MAP3K14: variants seen among roughly 807,000 people sequenced by gnomAD.
MAP3K14 encodes NF-kappa-beta-inducing kinase.
Under a neutral mutation model 99.2 loss-of-function variants are expected in MAP3K14, and 16 were observed. The ratio of observed to expected loss-of-function variants is 0.16; its 90% confidence interval spans 0.11 to 0.24. The LOEUF (loss-of-function observed/expected upper bound fraction) is 0.24, where lower values mean the gene tolerates loss of function less well. Ranked by LOEUF, MAP3K14 falls within the 10% of genes least tolerant of loss-of-function variation. The pLI, the probability that MAP3K14 is intolerant of heterozygous loss-of-function variation, is 1.00. For missense variants in MAP3K14, 784 were observed against 1,208.7 expected, an observed-to-expected ratio of 0.65 and a Z score of 5.21; for synonymous variants, 462 against 492.4, an observed-to-expected ratio of 0.94 and a Z score of 0.82.
rs371145129 is a variant in MAP3K14 at position 45,271,076 on chromosome 17, T to C, written c.1803A>G (p.Arg601=). Residue 601 remains arginine, a synonymous_variant, in exon 10 of 16, where the codon CGA becomes CGG. Coordinates refer to ENST00000344686, the MANE Select transcript of MAP3K14 (RefSeq NM_003954.5). ...NGCHPWTQFF[R]GPLCLKIASE... The stretch of plus-strand genomic sequence containing the variant: ...CACCGACCTTGAGGCAGAGCGGCCC[T>C]CGGAAGAACTGAGTCCAGGGGTGGC... 87 of 1,613,028 alleles carry C rather than the reference T, an allele frequency of 5.4e-5. 1 individual carries two copies. The East Asian group carries it at 1.0e-3, about 19-fold the overall frequency.
At position 45,290,774 on chromosome 17, in the gene MAP3K14, G is replaced by A. The variant is rs761682634; in HGVS notation, c.-20-9C>T. 36 of 1,605,208 alleles carry A rather than the reference G, an allele frequency of 2.2e-5. No homozygotes were observed. The highest frequency in any genetic ancestry group is 3.0e-5 in the Non-Finnish European group (35 of 1,173,750). On this transcript the variant is annotated splice_polypyrimidine_tract_variant and intron_variant, in intron 1 of 15. Coordinates refer to ENST00000344686, the MANE Select transcript of MAP3K14 (RefSeq NM_003954.5). ...CCAGGCTTGTGCTCATCCTGAGAGA[G>A]ACCAAACACAGAGCAGGTCACTTAG...
intron 14 of MAP3K14, chr17:45,266,305 T>C: frequency 4.4e-6 from 2 of 453,596 alleles, no homozygotes; most frequent in Non-Finnish European, 7.8e-6. Context: ...CTCCATCAAC[T>C]GACAATGAGG....
intron 1 of MAP3K14, among the ~76,000 whole-genome samples, chr17:45,302,603 C>T (rs112354353): frequency 6.6e-6 from 1 of 152,160 alleles, no homozygotes; most frequent in African/African-American, 2.4e-5. Context: ...CCACTGTGCC[C>T]GGCCAAGTAT....
chr17:45,270,576 A>C lies in MAP3K14; in HGVS notation c.1822-13T>G. The C allele has an allele frequency of 6.5e-7, 1 of 1,541,052 alleles. No individual in the cohort carries two copies. The highest frequency in any genetic ancestry group is 8.7e-7 in the Non-Finnish European group (1 of 1,146,414). ...GCTCGCTGGCAATCTGGGGGGCAAAAGACAACAGGTGAGGCCTGCCTTCCC... is the reference window on the plus strand; with the variant it reads ...GCTCGCTGGCAATCTGGGGGGCAAACGACAACAGGTGAGGCCTGCCTTCCC... On this transcript the variant is annotated splice_polypyrimidine_tract_variant and intron_variant, in intron 10 of 15. Coordinates refer to ENST00000344686, the MANE Select transcript of MAP3K14 (RefSeq NM_003954.5).
At chr17:45,309,271 C>T (rs138727190) in intron 1 of MAP3K14, among the ~76,000 whole-genome samples, 4 of 152,356 alleles carry the variant, frequency 2.6e-5, no homozygotes, top group Admixed American at 6.5e-5. Context: ...AAGGTGTTCC[C>T]ACCCAGGCAC....
intron 14 of MAP3K14, 153 bp downstream of exon 14, chr17:45,266,384 A>G: frequency 1.0e-6 from 1 of 966,602 alleles, no homozygotes; most frequent in Non-Finnish European, 1.5e-6. Context: ...TTGAAACCCA[A>G]CTTACTGGCC....
intron 6 of MAP3K14, among the ~76,000 whole-genome samples, chr17:45,275,877 T>A (rs1211600609): frequency 6.6e-6 from 1 of 150,912 alleles, no homozygotes; most frequent in Non-Finnish European, 1.5e-5. Context: ...TTCTCCTGCC[T>A]CAGCCTCCCG....
At chr17:45,279,524 C>A (rs936129184) in intron 6 of MAP3K14, among the ~76,000 whole-genome samples, 1 of 151,970 alleles carries the variant, frequency 6.6e-6, no homozygotes, top group African/African-American at 2.4e-5. Context: ...CCTCTGCCTC[C>A]CAGGTTCAAG....
At chr17:45,297,437 G>A (rs976993562) in intron 1 of MAP3K14, among the ~76,000 whole-genome samples, 4 of 152,274 alleles carry the variant, frequency 2.6e-5, no homozygotes, top group Middle Eastern at 3.4e-3. Context: ...GTTCAGTTAC[G>A]CCACTAAATC....
At chr17:45,265,869 T>C (rs2044076606) in intron 14 of MAP3K14, among the ~76,000 whole-genome samples, 1 of 152,236 alleles carries the variant, frequency 6.6e-6, no homozygotes, top group South Asian at 2.1e-4. Flanking sequence ...TGGGGCTGGC[T>C]CCTATGGGGA....
chr17:45,284,970 AG>A, intron 5 of MAP3K14, 21 bp from the exon 6 acceptor site: 1 of 1,550,352 alleles, frequency 6.5e-7, no homozygotes, highest in Non-Finnish European at 8.7e-7. Context: ...CAGGAGAGAG[AG>A]GACAGTTTCA....
intron 1 of MAP3K14, among the ~76,000 whole-genome samples, chr17:45,293,425 T>C (rs1269149021): frequency 6.6e-6 from 1 of 152,186 alleles, no homozygotes; most frequent in Non-Finnish European, 1.5e-5. Context: ...GGTAGGCAGC[T>C]GTCCAGCGCC....
chr17:45,311,207 C>T lies in MAP3K14; in HGVS notation c.-21+5753G>A, dbSNP rs765018666. On this transcript the variant is annotated intron_variant, in intron 1 of 15. Transcript: ENST00000344686. Reference sequence around the variant, plus strand: ...AAAAATGTGAATGATCATGTCCAGGCTATAATCCTAACAGCTCTTTCTGGA... The same window carrying T: ...AAAAATGTGAATGATCATGTCCAGGTTATAATCCTAACAGCTCTTTCTGGA... 3.3e-3 allele frequency among the ~76,000 whole-genome samples: 501 copies of T among 152,308 alleles called. 4 individuals are homozygous for T. The highest frequency in any genetic ancestry group is 3.6e-3 in the Non-Finnish European group (244 of 68,026).
Position 45,284,821 on chromosome 17 carries a change from A to G in MAP3K14, c.1281T>C (p.Ala427=), listed in dbSNP as rs1330178857. The change falls in exon 6 of 16, where the codon GCT becomes GCC. Residue 427 remains alanine, a synonymous_variant. Coordinates refer to ENST00000344686, the MANE Select transcript of MAP3K14 (RefSeq NM_003954.5). ...CTGAGCCCTGGCGTACCTTTTTGAC[A>G]GCGCACTGGAAGCCAGTCTGCTTGT... The part of the protein sequence containing the change: ...MEDKQTGFQC[A]VKKVRLEVFR... 4 of 1,594,874 alleles carry G rather than the reference A, an allele frequency of 2.5e-6. No homozygotes were observed. Among genetic ancestry groups the G allele is most frequent in the South Asian group, 1.1e-5 (1 of 87,434 alleles).
chr17:45,287,238 T>C lies in MAP3K14; in HGVS notation c.453A>G (p.Ser151=), dbSNP rs1379228761. The change falls in exon 4 of 16, where the codon TCA becomes TCG. Residue 151 remains serine, a synonymous_variant. Transcript: ENST00000344686. ...CCACTCCTGCATGAGCCAGGGACTT[T>C]GAGCTCTTCTTCTTCCGTTTCTTCC... ...KARKKRKKKS[S]KSLAHAGVAL... 2.5e-6 allele frequency: 4 copies of C among 1,611,292 alleles called. No individual in the cohort carries two copies. The highest frequency in any genetic ancestry group is 1.7e-5 in the Admixed American group (1 of 60,020).
Position 45,267,698 on chromosome 17 carries a change from A to G in MAP3K14, c.2034T>C (p.Asn678=). Residue 678 remains asparagine (N), a synonymous_variant, in exon 12 of 16, where the codon AAT becomes AAC. Coordinates refer to ENST00000344686, the MANE Select transcript of MAP3K14 (RefSeq NM_003954.5). This position sits in a 1 kb window ranked among gnomAD's most constrained non-coding sequence, Gnocchi z 5.1. ...EYKEPRHPPP[N]QANYHQTLHA... ...GGAGGGTCTGGTGGTAATTGGCTTG[A>G]TTTGGCGGTGGATGTCTTGGTTCTT... The G allele has an allele frequency of 6.2e-7, 1 of 1,613,758 alleles. No individual in the cohort carries two copies. Among genetic ancestry groups the G allele is most frequent in the Non-Finnish European group, 8.5e-7 (1 of 1,179,840 alleles).
rs547186264 is a variant in MAP3K14, at chr17:45,282,585, A to C, written c.1290+2227T>G. Among the ~76,000 whole-genome samples the C allele has an allele frequency of 3.9e-5, 6 of 152,000 alleles. No individual in the cohort carries two copies. In the South Asian group the frequency reaches 1.0e-3, roughly 26 times the overall value. On this transcript the variant is annotated intron_variant, in intron 6 of 15. Transcript: ENST00000344686. Reference sequence around the variant, plus strand: ...AAAAAAAAAAAGAAAGAAAAGAAAAAAGATCAAACAAAACCTTAAAAATAA... The same window carrying C: ...AAAAAAAAAAAGAAAGAAAAGAAAACAGATCAAACAAAACCTTAAAAATAA...
At chr17:45,278,227 T>C (rs1277829879) in intron 6 of MAP3K14, among the ~76,000 whole-genome samples, 1 of 152,120 alleles carries the variant, frequency 6.6e-6, no homozygotes, top group Non-Finnish European at 1.5e-5. Context: ...TAAAAATATT[T>C]CCAACCACCC....
intron 1 of MAP3K14, among the ~76,000 whole-genome samples, chr17:45,296,605 G>C (rs1284426959): frequency 6.6e-6 from 1 of 152,128 alleles, no homozygotes; most frequent in East Asian, 1.9e-4. Context: ...TGGCAAAACA[G>C]CCATCTGGCG....
Sources: gnomAD v4.1 joint callset for allele counts (sites outside exome capture counted in the v4.1 genomes callset) on GRCh38, gnomAD v4.1.1 for gene constraint, Gnocchi (gnomAD v3.1) non-coding constraint, MANE v1.5 for transcripts, NCBI Gene and HGNC (gene_info 2026-07-23, HGNC 2026-07-21) for gene names.